Variants in KCNQ3 observed in about 807,000 individuals in gnomAD.
KCNQ3 encodes the protein potassium voltage-gated channel subfamily KQT member 3.
In KCNQ3, 30 loss-of-function variants were observed where a neutral mutation model predicts 92.5. That is an observed-to-expected ratio of 0.32 (90% CI 0.24 to 0.44). The LOEUF (loss-of-function observed/expected upper bound fraction) is 0.44. Ranked by LOEUF, KCNQ3 falls within the 20% of genes least tolerant of loss-of-function variation. KCNQ3 has a pLI of 1.00. For synonymous variants in KCNQ3, 450 were observed against 468.8 expected (o/e 0.96, Z 0.52); for missense variants, 913 against 1,140.3 (o/e 0.80, Z 2.87).
intron 1 of KCNQ3, among the ~76,000 whole-genome samples, chr8:132,197,697 G>A (rs558019322): frequency 5.3e-5 from 8 of 152,290 alleles, no homozygotes; most frequent in South Asian, 2.1e-4. Flanking sequence ...CATTTGTGGC[G>A]TGTATTCTAT....
chr8:132,251,256 G>A (rs191668735), intron 1 of KCNQ3, among the ~76,000 whole-genome samples: 1 of 152,098 alleles, frequency 6.6e-6, no homozygotes, highest in African/African-American at 2.4e-5. Flanking sequence ...GACAGAGTGA[G>A]ACTCTGAAGA....
At chr8:132,298,823 C>T (rs1817127139) in intron 1 of KCNQ3, among the ~76,000 whole-genome samples, 2 of 152,044 alleles carry the variant, frequency 1.3e-5, no homozygotes, top group Non-Finnish European at 2.9e-5. Context: ...GCAGAGAATC[C>T]TTTGAACTCA....
At chr8:132,382,770 C>T (rs2608210) in intron 1 of KCNQ3, among the ~76,000 whole-genome samples, 2 of 151,816 alleles carry the variant, frequency 1.3e-5, no homozygotes, top group Admixed American at 6.6e-5. Context: ...AAGGGTGTCA[C>T]GGGCATACCA....
chr8:132,243,048 A>G (rs1194263673), intron 1 of KCNQ3, among the ~76,000 whole-genome samples: 2 of 152,204 alleles, frequency 1.3e-5, no homozygotes, highest in African/African-American at 4.8e-5. Flanking sequence ...TAAAATCCCC[A>G]TTGCAGAAGG....
intron 1 of KCNQ3, among the ~76,000 whole-genome samples, chr8:132,201,304 A>G (rs1827452255): frequency 6.6e-6 from 1 of 152,152 alleles, no homozygotes; most frequent in Non-Finnish European, 1.5e-5. Context: ...TTTCACATGC[A>G]AATTACATTC....
intron 1 of KCNQ3, among the ~76,000 whole-genome samples, chr8:132,303,600 T>TATATATATATATA (rs1817301410): frequency 4.1e-5 from 1 of 24,302 alleles, no homozygotes; most frequent in Non-Finnish European, 7.0e-5. Context: ...TATATATATA[T>TATATATATATATA]GGTGTGTATA....
chr8:132,318,417 C>G (rs932209907), intron 1 of KCNQ3, among the ~76,000 whole-genome samples: 2 of 152,208 alleles, frequency 1.3e-5, no homozygotes, highest in African/African-American at 4.8e-5. Context: ...GGGATTCAAA[C>G]TCTCACAGAG....
intron 1 of KCNQ3, among the ~76,000 whole-genome samples, chr8:132,261,540 T>C (rs1028166426): frequency 8.5e-5 from 13 of 152,190 alleles, no homozygotes; most frequent in African/African-American, 3.1e-4. Flanking sequence ...AAAGGCAATA[T>C]GCAGTCTTCC....
chr8:132,154,467 G>C (rs1444694366), intron 9 of KCNQ3, among the ~76,000 whole-genome samples: 1 of 152,092 alleles, frequency 6.6e-6, no homozygotes, highest in Non-Finnish European at 1.5e-5. Context: ...TCCCAAAACA[G>C]CACCCCCTGT....
At chr8:132,290,084 C>T (rs1338772392) in intron 1 of KCNQ3, among the ~76,000 whole-genome samples, 1 of 152,180 alleles carries the variant, frequency 6.6e-6, no homozygotes, top group Non-Finnish European at 1.5e-5. Context: ...GAGGCCAACA[C>T]AAAAGCTCAT....
chr8:132,242,452 C>T (rs984317753), intron 1 of KCNQ3, among the ~76,000 whole-genome samples: 1 of 152,150 alleles, frequency 6.6e-6, no homozygotes, highest in African/African-American at 2.4e-5. Context: ...AATGCACCTG[C>T]CCAGGGTCAC....
intron 1 of KCNQ3, among the ~76,000 whole-genome samples, chr8:132,473,915 T>C (rs1393813120): frequency 2.0e-5 from 3 of 152,222 alleles, no homozygotes; most frequent in African/African-American, 7.2e-5. Flanking sequence ...TGGCTCCATG[T>C]GTCTCACTAC....
chr8:132,193,785 G>A (rs1300139657), intron 1 of KCNQ3, among the ~76,000 whole-genome samples: 3 of 152,172 alleles, frequency 2.0e-5, no homozygotes, highest in Non-Finnish European at 2.9e-5. Context: ...CAGCCTCCAA[G>A]CTCAGGCAGG....
rs1164773143 is a variant in KCNQ3 at position 132,224,081 on chromosome 8, A to ATTTTTTTTTTTTTTTTTTTTTTTTT, written c.387-37925_387-37901dup. Among the ~76,000 whole-genome samples the ATTTTTTTTTTTTTTTTTTTTTTTTT allele has an allele frequency of 3.0e-4, 12 of 39,474 alleles. 5 individuals carry two copies. Among genetic ancestry groups the ATTTTTTTTTTTTTTTTTTTTTTTTT allele is most frequent in the Non-Finnish European group, 4.1e-4 (8 of 19,696 alleles). 25.9% of individuals were successfully genotyped at this position (39,474 alleles called of 152,430 possible). ...CAGACACACACCATCATGCCAGGCT[A>ATTTTTTTTTTTTTTTTTTTTTTTTT]TTTTTTTTTTTTTTTTTTTTTTTTT... On this transcript the variant is annotated intron_variant, in intron 1 of 14. Coordinates refer to ENST00000388996, the MANE Select transcript of KCNQ3 (RefSeq NM_004519.4).
chr8:132,401,543 T>C (rs527498216), intron 1 of KCNQ3, among the ~76,000 whole-genome samples: 2 of 152,232 alleles, frequency 1.3e-5, no homozygotes, highest in South Asian at 4.2e-4. Context: ...GCCCAGCTAA[T>C]TTTTGTATTT....
At chr8:132,415,668 T>A (rs946585857) in intron 1 of KCNQ3, among the ~76,000 whole-genome samples, 2 of 152,098 alleles carry the variant, frequency 1.3e-5, no homozygotes, top group African/African-American at 2.4e-5. Flanking sequence ...GTACATGGTA[T>A]GGACAGTTCT....
intron 1 of KCNQ3, among the ~76,000 whole-genome samples, chr8:132,231,035 GCA>G (rs1814629849): frequency 6.6e-6 from 1 of 152,160 alleles, no homozygotes; most frequent in Non-Finnish European, 1.5e-5. Flanking sequence ...AGACAGACAT[GCA>G]CAGAGGGAAG....
intron 8 of KCNQ3, among the ~76,000 whole-genome samples, chr8:132,165,606 C>A (rs1423112938): frequency 2.0e-5 from 3 of 152,186 alleles, no homozygotes; most frequent in African/African-American, 7.2e-5. Context: ...TCAGTTTGAC[C>A]ATCCAAACAA....
In KCNQ3 at chr8:132,480,282, C is replaced by G. The variant is rs781753428; in HGVS notation, c.251G>C (p.Gly84Ala). The G allele has an allele frequency of 6.2e-7, 1 of 1,609,984 alleles. No individual in the cohort carries two copies. Among genetic ancestry groups the G allele is most frequent in the Non-Finnish European group, 8.5e-7 (1 of 1,178,092 alleles). Residue 84 changes from glycine (G) to alanine (A), a missense_variant, in exon 1 of 15, where the codon GGC (glycine) becomes GCC (alanine). Physicochemically the swap from Gly to Ala is moderately conservative, Grantham distance 60 (BLOSUM62 0). Transcript: ENST00000388996. ...RDEGQRRTPQ[G>A]IGLLAKTPLS... Reference sequence around the variant, plus strand: ...CGGGGTCTTGGCCAGGAGCCCGATGCCCTGCGGGGTCCTCCGCTGCCCCTC... The same window carrying G: ...CGGGGTCTTGGCCAGGAGCCCGATGGCCTGCGGGGTCCTCCGCTGCCCCTC...
Sources: allele counts gnomAD v4.1 joint callset (sites outside exome capture counted in the v4.1 genomes callset), GRCh38; gene constraint gnomAD v4.1.1; transcripts MANE v1.5; gene names NCBI Gene and HGNC (gene_info 2026-07-23, HGNC 2026-07-21).